FBXW4: variants seen among roughly 807,000 people sequenced by gnomAD.
FBXW4 encodes F-box/WD repeat-containing protein 4.
FBXW4 carries 40 observed loss-of-function variants against 61.8 expected under a neutral mutation model. The observed-to-expected ratio is 0.65, with a 90% CI of 0.50 to 0.84. The LOEUF (loss-of-function observed/expected upper bound fraction) is 0.84, where lower values mean the gene tolerates loss of function less well. Ranked by LOEUF, FBXW4 falls within the 40% of genes least tolerant of loss-of-function variation. The probability of loss-of-function intolerance (pLI) is 0.00; values close to 1 mark genes in which losing one functional copy is unlikely to be tolerated. For missense variants in FBXW4, 672 were observed against 753.8 expected (o/e 0.89, Z 1.27); for synonymous variants, 311 against 313.8 (o/e 0.99, Z 0.10).
chr10:101,671,547 C>G (rs1476541907), intron 4 of FBXW4, among the ~76,000 whole-genome samples: 5 of 152,010 alleles, frequency 3.3e-5, no homozygotes, highest in African/African-American at 1.2e-4. Flanking sequence ...TTATACTGTT[C>G]TGGGTGTCAG....
intron 6 of FBXW4, among the ~76,000 whole-genome samples, chr10:101,617,917 C>T (rs2063838439): frequency 6.6e-6 from 1 of 152,196 alleles, no homozygotes; most frequent in South Asian, 2.1e-4. Flanking sequence ...AAAAAGCTAT[C>T]AGTAATGCTT....
Position 101,694,682 on chromosome 10 carries a change from C to T in FBXW4, c.424G>A (p.Gly142Arg), listed in dbSNP as rs564717447. The T allele has an allele frequency of 7.2e-6, 10 of 1,393,154 alleles. No homozygotes were observed. The Admixed American group carries it at 1.1e-4, about 15-fold the overall frequency. 86.3% of individuals were successfully genotyped at this position (1,393,154 alleles called of 1,614,324 possible). ...GARPGRAQGRGGQAWADIAGT... is the reference protein window; with the variant it reads ...GARPGRAQGRRGQAWADIAGT... ...GCGATGTCGGCCCAAGCCTGACCCCCTCGTCCCTGTGCTCTTCCCGGCCTG... is the reference window on the plus strand; with the variant it reads ...GCGATGTCGGCCCAAGCCTGACCCCTTCGTCCCTGTGCTCTTCCCGGCCTG... The change falls in exon 1 of 9, where the codon GGG (glycine) becomes AGG (arginine). Residue 142 changes from glycine (G) to arginine (R), a missense_variant. This residue lies in a region of FBXW4 where 311 missense variants were observed against 301.1 expected (regional missense o/e 1.03). Coordinates refer to ENST00000331272, the MANE Select transcript of FBXW4 (RefSeq NM_022039.4). This position sits in a 1 kb window ranked among gnomAD's most constrained non-coding sequence, Gnocchi z 6.0.
chr10:101,619,596 T>C (rs972594371), intron 6 of FBXW4, among the ~76,000 whole-genome samples: 2 of 151,612 alleles, frequency 1.3e-5, no homozygotes, highest in African/African-American at 4.9e-5. Context: ...GAGGCGGAGT[T>C]TGCAGTGAGC....
rs1378066946 is a variant in FBXW4, at chr10:101,695,056, T to C, written c.50A>G (p.Glu17Gly). The change falls in exon 1 of 9, where the codon GAG (glutamate) becomes GGG (glycine). Residue 17 changes from glutamate (E) to glycine (G), a missense_variant. By Grantham distance (98) the Glu-to-Gly change is moderately conservative (BLOSUM62 -2). Coordinates refer to ENST00000331272, the MANE Select transcript of FBXW4 (RefSeq NM_022039.4). The surrounding 1 kb of genome is among the most constrained non-coding windows in gnomAD (Gnocchi z 4.2). Reference protein sequence around the residue: ...SGPPGNGGPGEGEGGEARKLQ... With the variant: ...SGPPGNGGPGGGEGGEARKLQ... ...CTTCCTCGCCTCTCCGCCCTCGCCC[T>C]CGCCGGGCCCGCCGTTCCCGGGGGG... is the stretch of plus-strand genomic sequence containing the variant. The C allele has an allele frequency of 3.0e-6, 3 of 990,724 alleles. No homozygotes were observed. In the African/African-American group the frequency reaches 5.3e-5, roughly 17 times the overall value. 61.4% of individuals were successfully genotyped at this position (990,724 alleles called of 1,614,324 possible). A position where few individuals can be genotyped will look rare whatever the true frequency, so the allele number is the denominator to read the frequency against.
At chr10:101,636,191 A>T (rs1282742504) in intron 5 of FBXW4, among the ~76,000 whole-genome samples, 1 of 151,996 alleles carries the variant, frequency 6.6e-6, no homozygotes, top group Non-Finnish European at 1.5e-5. Context: ...CTCTGCTAAA[A>T]ATACAAAAAA....
intron 1 of FBXW4, among the ~76,000 whole-genome samples, chr10:101,684,068 A>T (rs1454648946): frequency 2.0e-5 from 3 of 152,190 alleles, no homozygotes; most frequent in Non-Finnish European, 4.4e-5. Flanking sequence ...GACTCAAGTG[A>T]TTCTCCTGCC....
intron 1 of FBXW4, among the ~76,000 whole-genome samples, chr10:101,685,832 G>C (rs1401759123): frequency 6.6e-6 from 1 of 152,104 alleles, no homozygotes; most frequent in Non-Finnish European, 1.5e-5. Flanking sequence ...CATTGCTTAG[G>C]AACTGCTCAA....
chr10:101,686,538 T>C (rs1457856266), intron 1 of FBXW4, among the ~76,000 whole-genome samples: 1 of 151,100 alleles, frequency 6.6e-6, no homozygotes, highest in Non-Finnish European at 1.5e-5. Flanking sequence ...AGTCATGAAT[T>C]AGGCACTAGC....
intron 5 of FBXW4, among the ~76,000 whole-genome samples, chr10:101,655,256 C>T (rs1183312611): frequency 6.6e-6 from 1 of 152,202 alleles, no homozygotes; most frequent in Non-Finnish European, 1.5e-5. Flanking sequence ...AATTTTGATA[C>T]TCATTGACAA....
intron 5 of FBXW4, among the ~76,000 whole-genome samples, chr10:101,664,512 A>G (rs1253006218): frequency 6.6e-6 from 1 of 152,166 alleles, no homozygotes; most frequent in Non-Finnish European, 1.5e-5. Flanking sequence ...GACACTGACA[A>G]CCATACTCAA....
intron 6 of FBXW4, among the ~76,000 whole-genome samples, chr10:101,624,067 A>T (rs1372244442): frequency 6.7e-6 from 1 of 149,674 alleles, no homozygotes; most frequent in Non-Finnish European, 1.5e-5. Flanking sequence ...ATTGCAAAGG[A>T]CTAGACACAC....
chr10:101,679,678 GTTT>G (rs1020379292), intron 1 of FBXW4, among the ~76,000 whole-genome samples: 1 of 151,992 alleles, frequency 6.6e-6, no homozygotes, highest in Admixed American at 6.6e-5. Flanking sequence ...AACTTTGGGT[GTTT>G]TTATTTTCTC....
intron 5 of FBXW4, among the ~76,000 whole-genome samples, chr10:101,642,031 T>G (rs1359226629): frequency 6.6e-6 from 1 of 152,050 alleles, no homozygotes; most frequent in African/African-American, 2.4e-5. Flanking sequence ...CCATAAGTGG[T>G]GGCACACGCC....
At chr10:101,666,153 G>A (rs1011028154) in intron 5 of FBXW4, among the ~76,000 whole-genome samples, 18 of 152,086 alleles carry the variant, frequency 1.2e-4, no homozygotes, top group African/African-American at 3.6e-4. Context: ...TCCACTCTCC[G>A]CTCCCACACA....
intron 5 of FBXW4, among the ~76,000 whole-genome samples, chr10:101,639,973 T>G (rs369425688): frequency 5.9e-5 from 9 of 152,310 alleles, no homozygotes; most frequent in Admixed American, 5.2e-4. Flanking sequence ...GTGTCCTGAG[T>G]AATATAGAGC....
At chr10:101,641,649 T>G (rs376213119) in intron 5 of FBXW4, among the ~76,000 whole-genome samples, 5 of 49,528 alleles carry the variant, frequency 1.0e-4, no homozygotes, top group Admixed American at 9.4e-4. Flanking sequence ...AACAAAACAA[T>G]ACACATACAC....
intron 5 of FBXW4, among the ~76,000 whole-genome samples, chr10:101,659,914 A>G (rs1028428706): frequency 3.3e-5 from 5 of 152,176 alleles, no homozygotes; most frequent in African/African-American, 1.2e-4. Flanking sequence ...GGGTAGGTGG[A>G]AGTATTTGTG....
In FBXW4 at chr10:101,676,218, A is replaced by G. The variant is rs183827222; in HGVS notation, c.821+123T>C. Reference sequence around the variant, plus strand: ...TCTGATGCCCCCTTTGTGTTATTCAAAGGCTCACCAGTGCCCACCCACCCA... The same window carrying G: ...TCTGATGCCCCCTTTGTGTTATTCAGAGGCTCACCAGTGCCCACCCACCCA... On this transcript the variant is annotated intron_variant, in intron 2 of 8. Transcript: ENST00000331272. 7.5e-4 allele frequency: 452 copies of G among 604,546 alleles called. 2 individuals carry two copies. The highest frequency in any genetic ancestry group is 4.2e-4 in the Non-Finnish European group (149 of 354,204). 37.4% of individuals were successfully genotyped at this position (604,546 alleles called of 1,614,324 possible). A position where few individuals can be genotyped will look rare whatever the true frequency, so the allele number is the denominator to read the frequency against.
intron 5 of FBXW4, chr10:101,626,940 C>T (rs2063911883): frequency 1.3e-5 from 2 of 152,218 alleles, no homozygotes; most frequent in Admixed American, 6.5e-5. Flanking sequence ...GATGTAAATC[C>T]CCTTCCCAGG....
Sources: allele counts gnomAD v4.1 joint callset (sites outside exome capture counted in the v4.1 genomes callset), GRCh38; gene constraint gnomAD v4.1.1; regional missense constraint gnomAD v4.1.1; non-coding constraint Gnocchi (gnomAD v3.1); transcripts MANE v1.5; gene names NCBI Gene and HGNC (gene_info 2026-07-23, HGNC 2026-07-21).